The following SPOCK3 variants were observed in gnomAD, a reference collection of about 807,000 sequenced individuals.
The protein encoded by SPOCK3 is testican-3.
In SPOCK3, 30 loss-of-function variants were observed where a neutral mutation model predicts 56.6. The observed-to-expected ratio is 0.53, with a 90% CI of 0.40 to 0.72. The LOEUF (loss-of-function observed/expected upper bound fraction) is 0.72. Ranked by LOEUF, SPOCK3 falls within the 30% of genes least tolerant of loss-of-function variation. The pLI is 0.00. For synonymous variants in SPOCK3, 196 were observed against 183.3 expected (o/e 1.07, Z -0.56); for missense variants, 527 against 530.0 (o/e 0.99, Z 0.06).
At chr4:167,064,120 A>C (rs1755872912) in intron 2 of SPOCK3, among the ~76,000 whole-genome samples, 1 of 151,846 alleles carries the variant, frequency 6.6e-6, no homozygotes, top group Non-Finnish European at 1.5e-5. Flanking sequence ...TTATTTATGA[A>C]AATTTTAAAT....
chr4:167,202,679 A>G (rs1005710941), intron 2 of SPOCK3, among the ~76,000 whole-genome samples: 27 of 151,974 alleles, frequency 1.8e-4, no homozygotes, highest in African/African-American at 6.3e-4. Flanking sequence ...TGACTGCATC[A>G]CCTTCCACCC....
At chr4:167,156,851 G>A (rs1384680833) in intron 2 of SPOCK3, among the ~76,000 whole-genome samples, 1 of 151,980 alleles carries the variant, frequency 6.6e-6, no homozygotes, top group Admixed American at 6.6e-5. Flanking sequence ...GAAATTACAG[G>A]GCAAGATTTA....
chr4:166,823,881 G>C (rs1745186719), intron 6 of SPOCK3, among the ~76,000 whole-genome samples: 1 of 152,012 alleles, frequency 6.6e-6, no homozygotes, highest in South Asian at 2.1e-4. Flanking sequence ...TTAGAAAATA[G>C]CCTAAGCAAG....
Position 166,892,709 on chromosome 4 carries a change from T to A in SPOCK3, c.475-3465A>T, listed in dbSNP as rs868561840. ...TGTAGAGAAAGACATGATTAATGCT[T>A]TCCTGATTATCTAAGACCCCGAGTA... is the stretch of plus-strand genomic sequence containing the variant. On this transcript the variant is annotated intron_variant, in intron 5 of 10. Transcript: ENST00000357545. Among the ~76,000 whole-genome samples, 6 of 152,100 alleles carry A rather than the reference T, an allele frequency of 3.9e-5. 1 individual carries two copies.
chr4:167,031,017 T>A (rs1166352485), intron 3 of SPOCK3, among the ~76,000 whole-genome samples: 1 of 152,096 alleles, frequency 6.6e-6, no homozygotes, highest in Non-Finnish European at 1.5e-5. Context: ...TATAGCATCA[T>A]ATCTTTGAAG....
chr4:166,766,277 G>C (rs1738031401), intron 7 of SPOCK3, among the ~76,000 whole-genome samples: 1 of 152,100 alleles, frequency 6.6e-6, no homozygotes, highest in Non-Finnish European at 1.5e-5. Flanking sequence ...GTTTTCAAAG[G>C]GAATGCTTCC....
chr4:167,109,389 A>ATTT (rs1392715627), intron 2 of SPOCK3, among the ~76,000 whole-genome samples: 1 of 24,812 alleles, frequency 4.0e-5, no homozygotes, highest in East Asian at 3.1e-3. Context: ...TAAAATATAT[A>ATTT]AATATATATT....
intron 2 of SPOCK3, among the ~76,000 whole-genome samples, chr4:167,225,987 C>G (rs1374994422): frequency 6.6e-6 from 1 of 152,034 alleles, no homozygotes; most frequent in Admixed American, 6.6e-5. Flanking sequence ...TTTTCTGCAT[C>G]GGAGGAAATA....
chr4:166,857,250 G>T (rs1212034624), intron 6 of SPOCK3, among the ~76,000 whole-genome samples: 1 of 152,176 alleles, frequency 6.6e-6, no homozygotes, highest in Non-Finnish European at 1.5e-5. Context: ...AACAAGAGCT[G>T]CACTGAGCTC....
At chr4:166,814,499 GGT>G (rs1744188113) in intron 6 of SPOCK3, among the ~76,000 whole-genome samples, 1 of 152,054 alleles carries the variant, frequency 6.6e-6, no homozygotes, top group African/African-American at 2.4e-5. Context: ...GGTAGGAAAA[GGT>G]GGGATAAGCT....
chr4:167,170,508 C>CTAGTTAATACTAGA, intron 2 of SPOCK3, among the ~76,000 whole-genome samples: 1 of 152,110 alleles, frequency 6.6e-6, no homozygotes, highest in African/African-American at 2.4e-5. Context: ...AATCTAGATA[C>CTAGTTAATACTAGA]TTTACTTGTA....
At chr4:166,798,481 G>A (rs909617121) in intron 6 of SPOCK3, among the ~76,000 whole-genome samples, 1 of 152,188 alleles carries the variant, frequency 6.6e-6, no homozygotes, top group Non-Finnish European at 1.5e-5. Context: ...TCCCCAGGCA[G>A]GCATATTCCA....
At chr4:167,130,949 A>G (rs1561249357) in intron 2 of SPOCK3, among the ~76,000 whole-genome samples, 2 of 152,178 alleles carry the variant, frequency 1.3e-5, no homozygotes, top group Admixed American at 6.5e-5. Flanking sequence ...ATTCATATCT[A>G]TTTTTGTTAA....
chr4:167,111,784 G>T (rs1389847740), intron 2 of SPOCK3, among the ~76,000 whole-genome samples: 5 of 150,640 alleles, frequency 3.3e-5, no homozygotes, highest in South Asian at 2.1e-4. Flanking sequence ...TTGAGACAAG[G>T]TCTTGCACTG....
intron 3 of SPOCK3, among the ~76,000 whole-genome samples, chr4:167,053,814 T>A (rs1186588302): frequency 6.6e-6 from 1 of 152,100 alleles, no homozygotes; most frequent in East Asian, 1.9e-4. Context: ...ATGAAACCAC[T>A]GAGAAAAGAC....
At chr4:166,835,474 T>C (rs1351119796) in intron 6 of SPOCK3, among the ~76,000 whole-genome samples, 1 of 152,196 alleles carries the variant, frequency 6.6e-6, no homozygotes, top group African/African-American at 2.4e-5. Context: ...AAAAAAAGGC[T>C]GAAAGGGAAT....
intron 2 of SPOCK3, among the ~76,000 whole-genome samples, chr4:167,078,131 G>C (rs925171265): frequency 6.6e-6 from 1 of 151,810 alleles, no homozygotes; most frequent in Non-Finnish European, 1.5e-5. Flanking sequence ...TGAGAGCTGT[G>C]GCTTAGGTAA....
At chr4:167,205,329 ATATAT>A (rs1240479863) in intron 2 of SPOCK3, among the ~76,000 whole-genome samples, 1 of 47,156 alleles carries the variant, frequency 2.1e-5, no homozygotes, top group African/African-American at 9.7e-5. Context: ...TATATATAAT[ATATAT>A]TATATATTAT....
At chr4:167,006,863 CTT>C (rs1381023460) in intron 3 of SPOCK3, among the ~76,000 whole-genome samples, 5 of 152,304 alleles carry the variant, frequency 3.3e-5, no homozygotes, top group African/African-American at 1.2e-4. Flanking sequence ...CTCACATACT[CTT>C]TATCCCTCGC....
Sources: allele counts gnomAD v4.1 joint callset (sites outside exome capture counted in the v4.1 genomes callset), GRCh38; gene constraint gnomAD v4.1.1; transcripts MANE v1.5; gene names NCBI Gene and HGNC (gene_info 2026-07-23, HGNC 2026-07-21).